SVEP1: variants seen among roughly 807,000 people sequenced by gnomAD.
SVEP1 encodes sushi, von Willebrand factor type A, EGF and pentraxin domain containing 1.
In SVEP1, 164 loss-of-function variants were observed where a neutral mutation model predicts 367.3. That is an observed-to-expected ratio of 0.45 (90% CI 0.39 to 0.51). The LOEUF (loss-of-function observed/expected upper bound fraction) is 0.51, where lower values mean the gene tolerates loss of function less well. SVEP1 is among the 20% of genes least tolerant of loss of function. The pLI, the probability that SVEP1 is intolerant of heterozygous loss-of-function variation, is 0.00. For synonymous variants in SVEP1, 1,666 were observed against 1,611.6 expected, an observed-to-expected ratio of 1.03 and a Z score of -0.81; for missense variants, 4,117 against 4,425.3, an observed-to-expected ratio of 0.93 and a Z score of 1.98.
In SVEP1 at chr9:110,406,533, C is replaced by CA; in HGVS notation, c.9066dup (p.Asp3023Ter). The CA allele has an allele frequency of 6.2e-7, 1 of 1,613,666 alleles. No individual in the cohort carries two copies. Among genetic ancestry groups the CA allele is most frequent in the Non-Finnish European group, 8.5e-7 (1 of 1,179,784 alleles). On this transcript the variant is annotated frameshift_variant, in exon 38 of 48. Coordinates refer to ENST00000374469, the MANE Select transcript of SVEP1 (RefSeq NM_153366.4). LOFTEE classifies it high-confidence loss of function. ...TGAATCCGGGCTGCCTTTCCACAGT[C>CA]AAAATCTGTCCCATTGACAGTTCCA... is the stretch of plus-strand genomic sequence containing the variant.
At chr9:110,474,803 C>T (rs1236167843) in intron 14 of SVEP1, among the ~76,000 whole-genome samples, 1 of 152,044 alleles carries the variant, frequency 6.6e-6, no homozygotes, top group East Asian at 1.9e-4. Flanking sequence ...CAATAGGAAA[C>T]TATTTCTATA....
Position 110,431,965 on chromosome 9 carries a change from T to C in SVEP1, c.5303A>G (p.Tyr1768Cys), listed in dbSNP as rs1394436669. The C allele has an allele frequency of 1.2e-6, 2 of 1,613,726 alleles. No homozygotes were observed. The highest frequency in any genetic ancestry group is 2.2e-5 in the South Asian group (2 of 91,072). ...HASCLNVDGS[Y>C]ICSCVPPYTG... Reference sequence around the variant, plus strand: ...GTACGGTGGGACACATGAACATATGTAGGATCCATCTACGTTCAGGCAAGA... The same window carrying C: ...GTACGGTGGGACACATGAACATATGCAGGATCCATCTACGTTCAGGCAAGA... The change falls in exon 32 of 48, where the codon TAC (tyrosine) becomes TGC (cysteine). Residue 1768 changes from tyrosine to cysteine, a missense_variant. By Grantham distance (194) the Tyr-to-Cys change is radical (BLOSUM62 -2). Transcript: ENST00000374469.
intron 1 of SVEP1, among the ~76,000 whole-genome samples, chr9:110,564,942 C>T (rs1830471941): frequency 6.6e-6 from 1 of 152,026 alleles, no homozygotes; most frequent in South Asian, 2.1e-4. Flanking sequence ...CAGTTACATG[C>T]TTCCTCTTAC....
At chr9:110,367,769 T>A (rs750288108) in intron 47 of SVEP1, among the ~76,000 whole-genome samples, 1 of 152,160 alleles carries the variant, frequency 6.6e-6, no homozygotes, top group Non-Finnish European at 1.5e-5. Context: ...TATGGTGACA[T>A]GTAAAAAATT....
At chr9:110,507,037 A>T (rs1033917627) in intron 5 of SVEP1, among the ~76,000 whole-genome samples, 1 of 152,188 alleles carries the variant, frequency 6.6e-6, no homozygotes, top group African/African-American at 2.4e-5. Flanking sequence ...GAGATTGGAG[A>T]GGAAAAAAGA....
chr9:110,403,680 A>T (rs1827905250), intron 39 of SVEP1, among the ~76,000 whole-genome samples: 1 of 152,082 alleles, frequency 6.6e-6, no homozygotes, highest in African/African-American at 2.4e-5. Context: ...ATTTCATGAC[A>T]AATTAATCAT....
intron 27 of SVEP1, among the ~76,000 whole-genome samples, 197 bp from the exon 28 acceptor site, chr9:110,436,701 C>A (rs1362939538): frequency 1.3e-5 from 2 of 152,126 alleles, no homozygotes; most frequent in East Asian, 3.8e-4. Context: ...TAAAAATAGA[C>A]AGGATTTAGA....
At chr9:110,388,450 G>A (rs1401323526) in intron 41 of SVEP1, among the ~76,000 whole-genome samples, 1 of 151,986 alleles carries the variant, frequency 6.6e-6, no homozygotes, top group Non-Finnish European at 1.5e-5. Flanking sequence ...AGAGAACCTG[G>A]GAAGCATTTA....
chr9:110,449,891 C>T (rs1177943650), intron 24 of SVEP1, among the ~76,000 whole-genome samples, 168 bp downstream of exon 24: 1 of 152,130 alleles, frequency 6.6e-6, no homozygotes, highest in East Asian at 1.9e-4. Flanking sequence ...CTACTTCAGG[C>T]TTAGTGAAGC....
At chr9:110,571,926 A>G (rs1830567786) in intron 1 of SVEP1, among the ~76,000 whole-genome samples, 1 of 152,188 alleles carries the variant, frequency 6.6e-6, no homozygotes, top group Non-Finnish European at 1.5e-5. Flanking sequence ...ATTAAATTAT[A>G]CACACACATA....
At position 110,549,977 on chromosome 9, in the gene SVEP1, G is replaced by A. The variant is rs1480616193; in HGVS notation, c.659C>T (p.Thr220Ile). 1.2e-6 allele frequency: 2 copies of A among 1,613,852 alleles called. No individual in the cohort carries two copies. The highest frequency in any genetic ancestry group is 1.7e-6 in the Non-Finnish European group (2 of 1,179,888). ...AATGTTCCCTTGCCATATGCCAAAAGTGAAGATCTCCACTCCTGAATCTCG... is the reference window on the plus strand; with the variant it reads ...AATGTTCCCTTGCCATATGCCAAAAATGAAGATCTCCACTCCTGAATCTCG... ...SLRDSGVEIF[T>I]FGIWQGNIRE... The change falls in exon 2 of 48, where the codon ACT becomes ATT. Residue 220 changes from threonine to isoleucine, a missense_variant. By Grantham distance (89) the Thr-to-Ile change is moderately conservative (BLOSUM62 -1). This residue lies in a region of SVEP1 where 2,174 missense variants were observed against 2,494.3 expected (regional missense o/e 0.87). Coordinates refer to ENST00000374469, the MANE Select transcript of SVEP1 (RefSeq NM_153366.4).
chr9:110,409,979 G>A (rs1400018653), intron 37 of SVEP1, among the ~76,000 whole-genome samples: 1 of 152,040 alleles, frequency 6.6e-6, no homozygotes, highest in East Asian at 1.9e-4. Context: ...ACTGTACCTG[G>A]TGCCAAGCAG....
intron 6 of SVEP1, among the ~76,000 whole-genome samples, chr9:110,502,362 A>G (rs1335753025): frequency 6.6e-6 from 1 of 152,084 alleles, no homozygotes; most frequent in Non-Finnish European, 1.5e-5. Flanking sequence ...TCAGCCTCCC[A>G]AAGTGCTGAG....
At chr9:110,393,238 C>A (rs538419220) in intron 40 of SVEP1, among the ~76,000 whole-genome samples, 46 of 152,170 alleles carry the variant, frequency 3.0e-4, no homozygotes, top group Non-Finnish European at 2.9e-4. Context: ...AACAGGAAAA[C>A]ACTCCGAATG....
intron 44 of SVEP1, 29 bp from the exon 45 acceptor site, chr9:110,377,395 T>C (rs1827365080): frequency 6.2e-7 from 1 of 1,601,158 alleles, no homozygotes. Flanking sequence ...GGGTCACAAA[T>C]GTAGGGAATT....
intron 3 of SVEP1, among the ~76,000 whole-genome samples, chr9:110,537,809 A>G (rs1830096485): frequency 6.6e-6 from 1 of 151,920 alleles, no homozygotes; most frequent in African/African-American, 2.4e-5. Flanking sequence ...TTAGATGGCC[A>G]TTTAAAAATC....
At chr9:110,414,281 C>T (rs1389185982) in intron 36 of SVEP1, among the ~76,000 whole-genome samples, 1 of 151,918 alleles carries the variant, frequency 6.6e-6, no homozygotes, top group Non-Finnish European at 1.5e-5. Flanking sequence ...TCCTAACTGA[C>T]AATATTTATG....
At position 110,458,497 on chromosome 9, in the gene SVEP1, T is replaced by C; in HGVS notation, c.3550A>G (p.Lys1184Glu). Reference protein sequence around the residue: ...VVPPASLGHIKKRHEISSQVF... With the variant: ...VVPPASLGHIEKRHEISSQVF... ...TGACTGCTGATTTCATGCCTCTTTTTAATATGTCCAAGAGAGGCAGGGGGC... is the reference window on the plus strand; with the variant it reads ...TGACTGCTGATTTCATGCCTCTTTTCAATATGTCCAAGAGAGGCAGGGGGC... Residue 1184 changes from lysine (K) to glutamate (E), a missense_variant, in exon 20 of 48, where the codon AAA becomes GAA. Lys to Glu is a moderately conservative substitution (Grantham distance 56). This residue lies in a region of SVEP1 where 2,174 missense variants were observed against 2,494.3 expected (regional missense o/e 0.87). Transcript: ENST00000374469. 1 of 1,612,958 alleles carries C rather than the reference T, an allele frequency of 6.2e-7. No individual in the cohort carries two copies. The highest frequency in any genetic ancestry group is 1.1e-5 in the South Asian group (1 of 90,746).
intron 3 of SVEP1, among the ~76,000 whole-genome samples, chr9:110,524,718 T>TATTATTAC (rs35477110): frequency 0.13 from 18,488 of 143,180 alleles, 1,384 homozygotes; most frequent in East Asian, 0.34. Flanking sequence ...TTATTATTAC[T>TATTATTAC]TTTTTTTTTT....
Sources: gnomAD v4.1 joint callset for allele counts (sites outside exome capture counted in the v4.1 genomes callset) on GRCh38, gnomAD v4.1.1 for gene constraint, gnomAD v4.1.1 regional missense constraint, MANE v1.5 for transcripts, NCBI Gene and HGNC (gene_info 2026-07-23, HGNC 2026-07-21) for gene names.